Variants in ARPC1B observed in about 807,000 individuals in gnomAD.
ARPC1B encodes the protein actin related protein 2/3 complex subunit 1B.
ARPC1B carries 29 observed loss-of-function variants against 46.0 expected under a neutral mutation model. The observed-to-expected ratio is 0.63, with a 90% CI of 0.47 to 0.86. The LOEUF (loss-of-function observed/expected upper bound fraction) is 0.86, where lower values mean the gene tolerates loss of function less well. Ranked by LOEUF, ARPC1B falls within the 40% of genes least tolerant of loss-of-function variation. ARPC1B has a pLI of 0.00. For synonymous variants in ARPC1B, 201 were observed against 213.9 expected (o/e 0.94, Z 0.53); for missense variants, 469 against 529.4 (o/e 0.89, Z 1.12).
At position 99,390,987 on chromosome 7, in the gene ARPC1B, A is replaced by G; in HGVS notation, c.595A>G (p.Ser199Gly). The change falls in exon 6 of 10, where the codon AGC (serine) becomes GGC (glycine). Residue 199 changes from serine (S) to glycine (G), a missense_variant. By Grantham distance (56) the Ser-to-Gly change is moderately conservative. Transcript: ENST00000646101. ...MPFGELMFES[S>G]SSCGWVHGVC... ...CTTTGGGGAACTGATGTTCGAATCCAGCAGTAGCTGCGGCTGGGTACATGG... is the reference window on the plus strand; with the variant it reads ...CTTTGGGGAACTGATGTTCGAATCCGGCAGTAGCTGCGGCTGGGTACATGG... 6.2e-7 allele frequency: 1 copy of G among 1,614,036 alleles called. No individual in the cohort carries two copies. Among genetic ancestry groups the G allele is most frequent in the Non-Finnish European group, 8.5e-7 (1 of 1,180,020 alleles).
At chr7:99,379,660 A>G (rs1420000877) in intron 1 of ARPC1B, among the ~76,000 whole-genome samples, 1 of 152,214 alleles carries the variant, frequency 6.6e-6, no homozygotes, top group Non-Finnish European at 1.5e-5. Context: ...GAGGGCACCC[A>G]GCCAGTATGA....
intron 1 of ARPC1B, among the ~76,000 whole-genome samples, chr7:99,380,912 A>G (rs1794198290): frequency 6.6e-6 from 1 of 152,272 alleles, no homozygotes; most frequent in Admixed American, 6.5e-5. Flanking sequence ...TGGAGTGTGA[A>G]AGTGGGCTTC....
At chr7:99,375,537 C>G (rs1317132375) in intron 1 of ARPC1B, among the ~76,000 whole-genome samples, 1 of 151,674 alleles carries the variant, frequency 6.6e-6, no homozygotes, top group African/African-American at 2.4e-5. Flanking sequence ...CGGGGCCGGG[C>G]TGCACCCGCG....
intron 1 of ARPC1B, chr7:99,377,206 C>G (rs1388384330): frequency 6.6e-6 from 1 of 152,190 alleles, no homozygotes; most frequent in African/African-American, 2.4e-5. Flanking sequence ...GCTGTGTTGT[C>G]CAGGCTGGCC....
intron 2 of ARPC1B, 64 bp downstream of exon 2, chr7:99,385,842 G>A (rs893313038): frequency 3.3e-6 from 5 of 1,510,466 alleles, no homozygotes; most frequent in African/African-American, 1.4e-5. Context: ...ACCAGCCAGA[G>A]CACACATGGG....
At chr7:99,394,384 A>C in intron 9 of ARPC1B, 67 bp from the exon 10 acceptor site, 1 of 1,370,394 alleles carries the variant, frequency 7.3e-7, no homozygotes, top group Non-Finnish European at 1.0e-6. Flanking sequence ...ATGGGTGATC[A>C]GGTCCCTGGG....
At chr7:99,378,781 T>TTTC (rs1794111577) in intron 1 of ARPC1B, among the ~76,000 whole-genome samples, 1 of 133,784 alleles carries the variant, frequency 7.5e-6, no homozygotes, top group Non-Finnish European at 1.6e-5. Flanking sequence ...TTTCTTTTTT[T>TTTC]TTTTTTTTTT....
rs750749688 is a variant in ARPC1B, at chr7:99,388,064, C to G, written c.195C>G (p.Asn65Lys). 1.9e-4 allele frequency: 308 copies of G among 1,610,094 alleles called. No homozygotes were observed. Among genetic ancestry groups the G allele is most frequent in the Non-Finnish European group, 2.6e-4 (302 of 1,176,746 alleles). Residue 65 changes from asparagine to lysine, a missense_variant, in exon 4 of 10, where the codon AAC (asparagine) becomes AAG (lysine). Coordinates refer to ENST00000646101, the MANE Select transcript of ARPC1B (RefSeq NM_005720.4). ...VTGIDWAPES[N>K]RIVTCGTDRN... ...GCATCGACTGGGCCCCCGAGAGTAA[C>G]CGTATTGTGACCTGCGGCACAGACC...
Position 99,386,001 on chromosome 7 carries a change from G to A in ARPC1B, c.64+223G>A, listed in dbSNP as rs577185529. Among the ~76,000 whole-genome samples, 58 of 152,204 alleles carry A rather than the reference G, an allele frequency of 3.8e-4. No individual in the cohort carries two copies. The South Asian group carries it at 0.011, about 29-fold the overall frequency. On this transcript the variant is annotated intron_variant, in intron 2 of 9. Transcript: ENST00000646101. ...TGCGGTAGCTCATGCCTGTAATCCC[G>A]GCACTTTGGGAGGCTGAGGTGGGTG...
chr7:99,392,636 C>T (rs1415343756), intron 7 of ARPC1B, 35 bp from the exon 8 acceptor site: 6 of 1,445,594 alleles, frequency 4.2e-6, no homozygotes, highest in Non-Finnish European at 5.5e-6. Flanking sequence ...GGTTTCCCCT[C>T]CGCGGCGCTC....
intron 1 of ARPC1B, 39 bp from the exon 2 acceptor site, chr7:99,385,662 TG>T: frequency 6.4e-7 from 1 of 1,563,600 alleles, no homozygotes. Flanking sequence ...GGGGCAAGGT[TG>T]GGGCTGACGT....
intron 8 of ARPC1B, among the ~76,000 whole-genome samples, chr7:99,393,472 T>C (rs559134834): frequency 1.1e-4 from 17 of 152,080 alleles, no homozygotes; most frequent in African/African-American, 3.9e-4. Flanking sequence ...GGCGGGTCTA[T>C]TGCTAGCACT....
intron 9 of ARPC1B, 73 bp downstream of exon 9, chr7:99,394,192 A>G: frequency 6.7e-7 from 1 of 1,483,052 alleles, no homozygotes; most frequent in Non-Finnish European, 9.3e-7. Context: ...CACTCCCTGG[A>G]GATGACCCCC....
chr7:99,391,393 C>T (rs1794567476), intron 7 of ARPC1B, 140 bp downstream of exon 7: 1 of 928,940 alleles, frequency 1.1e-6, no homozygotes, highest in African/African-American at 1.6e-5. Context: ...CAGAATTGGG[C>T]AGAACAGGTT....
chr7:99,386,838 G>C (rs1275642704), intron 3 of ARPC1B, 49 bp downstream of exon 3: 2 of 1,435,138 alleles, frequency 1.4e-6, no homozygotes, highest in Non-Finnish European at 2.0e-6. Context: ...GTGGTGGGTT[G>C]GGGGGGTGGT....
intron 5 of ARPC1B, 165 bp from the exon 6 acceptor site, chr7:99,390,728 C>T (rs1794545896): frequency 3.4e-6 from 2 of 581,066 alleles, no homozygotes; most frequent in Non-Finnish European, 5.9e-6. Context: ...GAGACAGTCT[C>T]ACTCTGTTGC....
chr7:99,382,164 G>A lies in ARPC1B; in HGVS notation c.-13-3538G>A, dbSNP rs151001476. 5.6e-3 allele frequency among the ~76,000 whole-genome samples: 856 copies of A among 152,248 alleles called. 6 individuals are homozygous for A. The highest frequency in any genetic ancestry group is 0.02 in the African/African-American group (823 of 41,536). ...ATGTATACAGAGCACCTGGCCAGGCGCGGTGGCTCATGCCTGTAATTCCAG... is the reference window on the plus strand; with the variant it reads ...ATGTATACAGAGCACCTGGCCAGGCACGGTGGCTCATGCCTGTAATTCCAG... On this transcript the variant is annotated intron_variant, in intron 1 of 9. Transcript: ENST00000646101.
upstream of ARPC1B, chr7:99,374,520 T>C (rs1793976091): frequency 6.6e-6 from 1 of 152,126 alleles, no homozygotes; most frequent in African/African-American, 2.4e-5. The surrounding 1 kb of genome is among the most constrained non-coding windows in gnomAD (Gnocchi z 5.0). Flanking sequence ...TGGTAAAGCA[T>C]TGACGGTGGT....
chr7:99,393,833 G>A (rs1283934340), intron 8 of ARPC1B, among the ~76,000 whole-genome samples, 196 bp from the exon 9 acceptor site: 1 of 152,114 alleles, frequency 6.6e-6, no homozygotes, highest in Non-Finnish European at 1.5e-5. Flanking sequence ...CAGGACTTGA[G>A]TGTCCTGTCC....
Sources: allele counts gnomAD v4.1 joint callset (sites outside exome capture counted in the v4.1 genomes callset), GRCh38; gene constraint gnomAD v4.1.1; non-coding constraint Gnocchi (gnomAD v3.1); transcripts MANE v1.5; gene names NCBI Gene and HGNC (gene_info 2026-07-23, HGNC 2026-07-21).